Variants in FHIT observed in about 807,000 individuals in gnomAD.
The protein encoded by FHIT is bis(5'-adenosyl)-triphosphatase.
FHIT carries 19 observed loss-of-function variants against 17.9 expected under a neutral mutation model. The observed-to-expected ratio is 1.06, with a 90% confidence interval of 0.74 to 1.56. The LOEUF (loss-of-function observed/expected upper bound fraction) is 1.56, where lower values mean the gene tolerates loss of function less well. FHIT is among the 40% of genes most tolerant of loss of function. The pLI is 0.00. For synonymous variants in FHIT, 81 were observed against 69.7 expected (o/e 1.16, Z -0.81); for missense variants, 248 against 189.2 (o/e 1.31, Z -1.82).
At chr3:60,337,011 C>T (rs541334454) in intron 5 of FHIT, among the ~76,000 whole-genome samples, 3 of 152,096 alleles carry the variant, frequency 2.0e-5, no homozygotes, top group African/African-American at 4.8e-5. Context: ...ATACTGGTTA[C>T]GTACTTGCCA....
intron 4 of FHIT, among the ~76,000 whole-genome samples, chr3:60,814,947 G>A (rs1255576717): frequency 1.3e-5 from 2 of 149,792 alleles, no homozygotes; most frequent in Non-Finnish European, 3.0e-5. Flanking sequence ...TGACTGGTGT[G>A]AGATGGTATC....
chr3:59,949,154 G>T (rs113165450), intron 7 of FHIT, among the ~76,000 whole-genome samples: 89 of 152,186 alleles, frequency 5.8e-4, no homozygotes, highest in African/African-American at 2.1e-3. Context: ...AGAGTTTTGA[G>T]AATTCATTAT....
At chr3:60,398,657 C>G (rs1037909537) in intron 5 of FHIT, among the ~76,000 whole-genome samples, 8 of 152,072 alleles carry the variant, frequency 5.3e-5, no homozygotes, top group African/African-American at 1.9e-4. Context: ...TGTCTGAAAT[C>G]TAGGGTGATA....
intron 1 of FHIT, among the ~76,000 whole-genome samples, chr3:61,211,151 C>A (rs569088187): frequency 6.6e-6 from 1 of 151,642 alleles, no homozygotes; most frequent in African/African-American, 2.4e-5. Flanking sequence ...AGACAGTGGG[C>A]GCAGGACAGT....
chr3:59,942,181 C>T (rs535131970), intron 7 of FHIT, among the ~76,000 whole-genome samples: 1 of 152,296 alleles, frequency 6.6e-6, no homozygotes, highest in South Asian at 2.1e-4. Context: ...CTTTCTGAAC[C>T]TTTCACCGTA....
At chr3:59,952,629 C>T (rs916364452) in intron 7 of FHIT, among the ~76,000 whole-genome samples, 2 of 152,166 alleles carry the variant, frequency 1.3e-5, no homozygotes, top group East Asian at 1.9e-4. Context: ...GGGTATTAAG[C>T]TCTGAAGTTA....
At chr3:60,865,386 G>A (rs548091809) in intron 3 of FHIT, among the ~76,000 whole-genome samples, 4 of 152,276 alleles carry the variant, frequency 2.6e-5, no homozygotes, top group South Asian at 2.1e-4. Context: ...GTCAGCACAT[G>A]TATCAGACAT....
chr3:60,831,749 A>G (rs890948660), intron 3 of FHIT, among the ~76,000 whole-genome samples: 3 of 152,144 alleles, frequency 2.0e-5, no homozygotes, highest in Non-Finnish European at 4.4e-5. Context: ...GAGTTTGTCC[A>G]AGACCACCCA....
At chr3:60,560,707 A>T (rs1270783715) in intron 4 of FHIT, among the ~76,000 whole-genome samples, 4 of 151,800 alleles carry the variant, frequency 2.6e-5, no homozygotes, top group African/African-American at 4.8e-5. Flanking sequence ...CAGAAAGAGG[A>T]CAGAATAGAG....
intron 5 of FHIT, among the ~76,000 whole-genome samples, chr3:60,090,130 T>C (rs937475355): frequency 3.3e-5 from 5 of 152,058 alleles, no homozygotes; most frequent in African/African-American, 1.2e-4. Context: ...ATCTCTCCCA[T>C]CTGCCCCCCA....
chr3:60,374,670 G>C (rs963878754), intron 5 of FHIT, among the ~76,000 whole-genome samples: 4 of 151,414 alleles, frequency 2.6e-5, no homozygotes, highest in African/African-American at 9.7e-5. Context: ...CGTGGAGCTA[G>C]AGAATATGCA....
At chr3:59,909,323 C>T (rs1704750786) in intron 8 of FHIT, among the ~76,000 whole-genome samples, 1 of 151,460 alleles carries the variant, frequency 6.6e-6, no homozygotes, top group Non-Finnish European at 1.5e-5. Flanking sequence ...TGAGCCACTG[C>T]GCCCGGCCCT....
intron 8 of FHIT, among the ~76,000 whole-genome samples, chr3:59,771,783 C>T (rs577853406): frequency 6.6e-6 from 1 of 152,318 alleles, no homozygotes; most frequent in Admixed American, 6.5e-5. Context: ...CACAAATTAC[C>T]TCTAAGTTGC....
At chr3:60,081,964 G>C (rs1332076665) in intron 5 of FHIT, among the ~76,000 whole-genome samples, 1 of 151,600 alleles carries the variant, frequency 6.6e-6, no homozygotes, top group Non-Finnish European at 1.5e-5. Context: ...CTACTTATCT[G>C]TTTTTGTAAT....
chr3:60,601,197 C>T (rs2038434845), intron 4 of FHIT, among the ~76,000 whole-genome samples: 1 of 152,154 alleles, frequency 6.6e-6, no homozygotes, highest in Non-Finnish European at 1.5e-5. Context: ...GGGATCAGGT[C>T]GCCCAGTGTG....
At chr3:60,548,144 CGAGAG>C (rs2036431291) in intron 4 of FHIT, among the ~76,000 whole-genome samples, 2 of 1,504 alleles carry the variant, frequency 1.3e-3, no homozygotes, top group Non-Finnish European at 2.8e-3. Flanking sequence ...AGAGAGAGAG[CGAGAG>C]AGAGAGAGAG....
chr3:60,498,571 A>G (rs2034396821), intron 5 of FHIT, among the ~76,000 whole-genome samples: 1 of 152,242 alleles, frequency 6.6e-6, no homozygotes, highest in African/African-American at 2.4e-5. Flanking sequence ...CCTTATAATC[A>G]TGAATAATGA....
At chr3:61,052,385 A>G (rs1228468401) in intron 2 of FHIT, among the ~76,000 whole-genome samples, 1 of 152,160 alleles carries the variant, frequency 6.6e-6, no homozygotes. Context: ...ACAGCCGGTA[A>G]ATAGCATATC....
chr3:60,931,880 G>C (rs1333455435), intron 3 of FHIT, among the ~76,000 whole-genome samples: 1 of 152,182 alleles, frequency 6.6e-6, no homozygotes, highest in Non-Finnish European at 1.5e-5. Context: ...TTTGAGCAGA[G>C]CCAACAGCAT....
Sources: allele counts gnomAD v4.1 joint callset (sites outside exome capture counted in the v4.1 genomes callset), GRCh38; gene constraint gnomAD v4.1.1; transcripts MANE v1.5; gene names NCBI Gene and HGNC (gene_info 2026-07-23, HGNC 2026-07-21).